RUNX1: variants seen among roughly 807,000 people sequenced by gnomAD.
The protein encoded by RUNX1 is RUNX family transcription factor 1, also known as runt-related transcription factor 1.
RUNX1 carries 19 observed loss-of-function variants against 42.8 expected under a neutral mutation model. The observed-to-expected ratio is 0.44, with a 90% CI of 0.31 to 0.65. The LOEUF is 0.65. RUNX1 is among the 30% of genes least tolerant of loss of function. The probability of loss-of-function intolerance (pLI) is 0.07; values close to 1 mark genes in which losing one functional copy is unlikely to be tolerated. For synonymous variants in RUNX1, 271 were observed against 289.4 expected, an observed-to-expected ratio of 0.94 and a Z score of 0.64; for missense variants, 528 against 672.0, an observed-to-expected ratio of 0.79 and a Z score of 2.37.
intron 2 of RUNX1, among the ~76,000 whole-genome samples, chr21:35,019,048 C>T (rs1262354004): frequency 2.6e-5 from 4 of 152,202 alleles, no homozygotes; most frequent in Admixed American, 2.6e-4. Context: ...TCAAAAGTCT[C>T]CATAGGTCTC....
At chr21:34,829,221 A>G (rs553423621) in intron 7 of RUNX1, among the ~76,000 whole-genome samples, 1 of 152,338 alleles carries the variant, frequency 6.6e-6, no homozygotes, top group South Asian at 2.1e-4. Flanking sequence ...GCCTTCTGAT[A>G]TGTAGCCATC....
intron 2 of RUNX1, among the ~76,000 whole-genome samples, chr21:35,027,260 C>T (rs545576048): frequency 6.6e-6 from 1 of 152,280 alleles, no homozygotes; most frequent in South Asian, 2.1e-4. Context: ...AGCTTGGAGG[C>T]GGGAGATTTA....
intron 2 of RUNX1, among the ~76,000 whole-genome samples, chr21:35,005,283 A>C (rs1359512808): frequency 1.3e-5 from 2 of 152,046 alleles, no homozygotes; most frequent in Non-Finnish European, 2.9e-5. Flanking sequence ...TGACCCCACA[A>C]TTTGTCTACA....
At chr21:34,793,332 G>A (rs1252042444) in intron 8 of RUNX1, among the ~76,000 whole-genome samples, 1 of 152,016 alleles carries the variant, frequency 6.6e-6, no homozygotes, top group Non-Finnish European at 1.5e-5. Context: ...ATGAAATGAT[G>A]TAGTATAGCA....
At position 34,792,163 on chromosome 21, in the gene RUNX1, A is replaced by G. The variant is rs764689239; in HGVS notation, c.1415T>C (p.Leu472Pro). 267 of 1,515,820 alleles carry G rather than the reference A, an allele frequency of 1.8e-4. 2 individuals carry two copies. The East Asian group carries it at 6.3e-3, about 36-fold the overall frequency. The allele number at this position is 1,515,820 out of a possible 1,614,324, so 93.9% of individuals were successfully genotyped here. A position where few individuals can be genotyped will look rare whatever the true frequency, so the allele number is the denominator to read the frequency against. ...SPTNMAPSAR[L>P]EEAVWRPY Reference sequence around the variant, plus strand: ...GTAGGGCCTCCACACGGCCTCCTCCAGGCGCGCGGAGGGCGCCATGTTGGT... The same window carrying G: ...GTAGGGCCTCCACACGGCCTCCTCCGGGCGCGCGGAGGGCGCCATGTTGGT... Residue 472 changes from leucine (L) to proline (P), a missense_variant, in exon 9 of 9, where the codon CTG (leucine) becomes CCG (proline). Physicochemically the swap from Leu to Pro is moderately conservative, Grantham distance 98. Transcript: ENST00000675419. The surrounding 1 kb of genome is among the most constrained non-coding windows in gnomAD (Gnocchi z 6.9).
chr21:34,857,808 G>A (rs1275803587), intron 6 of RUNX1, among the ~76,000 whole-genome samples: 2 of 152,182 alleles, frequency 1.3e-5, no homozygotes, highest in Non-Finnish European at 2.9e-5. Flanking sequence ...GGAATGTCCA[G>A]GTTGACATTC....
intron 2 of RUNX1, among the ~76,000 whole-genome samples, chr21:34,908,479 C>T (rs1419844417): frequency 6.6e-6 from 1 of 152,116 alleles, no homozygotes; most frequent in Non-Finnish European, 1.5e-5. Flanking sequence ...AAGGTCGTTG[C>T]TCAATTTTAT....
intron 2 of RUNX1, among the ~76,000 whole-genome samples, chr21:34,916,198 CCT>C (rs1450518307): frequency 3.3e-5 from 5 of 152,114 alleles, no homozygotes; most frequent in Non-Finnish European, 7.4e-5. Context: ...CACACGATCC[CCT>C]GTTAAATGCA....
intron 6 of RUNX1, among the ~76,000 whole-genome samples, chr21:34,854,910 T>G (rs970748582): frequency 6.6e-6 from 1 of 152,172 alleles, no homozygotes; most frequent in East Asian, 1.9e-4. Flanking sequence ...GGGTTACACC[T>G]TTCCAAAATT....
intron 2 of RUNX1, among the ~76,000 whole-genome samples, chr21:34,972,782 T>C (rs1003595721): frequency 6.6e-6 from 1 of 152,178 alleles, no homozygotes; most frequent in Admixed American, 6.5e-5. Flanking sequence ...GCAGGCATCA[T>C]TTGGCAGGCA....
intron 2 of RUNX1, among the ~76,000 whole-genome samples, chr21:35,025,364 G>A (rs911777562): frequency 2.0e-5 from 3 of 152,108 alleles, no homozygotes; most frequent in Non-Finnish European, 4.4e-5. Context: ...TGCATTCAAA[G>A]CTCTCATGGT....
chr21:34,956,420 A>T (rs149056385), intron 2 of RUNX1, among the ~76,000 whole-genome samples: 2 of 152,134 alleles, frequency 1.3e-5, no homozygotes, highest in Admixed American at 6.5e-5. Flanking sequence ...GAACACAGTC[A>T]TTTTTTTGTT....
At chr21:34,887,654 G>C in intron 3 of RUNX1, 1 of 1,078,334 alleles carries the variant, frequency 9.3e-7, no homozygotes. Flanking sequence ...AAAAGCAAGA[G>C]CTGAGACTTC....
intron 2 of RUNX1, among the ~76,000 whole-genome samples, chr21:34,977,292 G>C (rs2058810205): frequency 6.6e-6 from 1 of 152,180 alleles, no homozygotes; most frequent in South Asian, 2.1e-4. Context: ...AGGGAATTTT[G>C]AGCCAATATA....
intron 5 of RUNX1, among the ~76,000 whole-genome samples, chr21:34,877,202 G>A (rs568792609): frequency 7.6e-4 from 116 of 152,284 alleles, no homozygotes; most frequent in African/African-American, 2.8e-3. Context: ...CTGAAGCCAT[G>A]ATACACTTTC....
intron 2 of RUNX1, among the ~76,000 whole-genome samples, chr21:34,896,231 G>T (rs2058128782): frequency 1.3e-5 from 2 of 152,062 alleles, no homozygotes; most frequent in Admixed American, 1.3e-4. Flanking sequence ...TTGTATCTAG[G>T]GTACAATCAA....
intron 2 of RUNX1, among the ~76,000 whole-genome samples, chr21:34,975,778 G>A (rs2058797170): frequency 6.6e-6 from 1 of 152,092 alleles, no homozygotes; most frequent in African/African-American, 2.4e-5. Context: ...TGACACAGAA[G>A]AGCAGTTGGG....
At chr21:34,799,541 C>T (rs1483007878) in intron 7 of RUNX1, 79 bp from the exon 8 acceptor site, 1 of 1,321,892 alleles carries the variant, frequency 7.6e-7, no homozygotes, top group Non-Finnish European at 1.1e-6. Context: ...AAATGAGTGG[C>T]CCTTGTTCAA....
At chr21:34,950,036 C>T (rs998759436) in intron 2 of RUNX1, among the ~76,000 whole-genome samples, 1 of 152,146 alleles carries the variant, frequency 6.6e-6, no homozygotes, top group African/African-American at 2.4e-5. Context: ...GATCGTTCAC[C>T]AAATTGAGTT....
Sources: allele counts gnomAD v4.1 joint callset (sites outside exome capture counted in the v4.1 genomes callset), GRCh38; gene constraint gnomAD v4.1.1; non-coding constraint Gnocchi (gnomAD v3.1); transcripts MANE v1.5; gene names NCBI Gene and HGNC (gene_info 2026-07-23, HGNC 2026-07-21).